NFAM1: variants seen among roughly 807,000 people sequenced by gnomAD.
NFAM1 encodes the protein NFAT activation molecule 1.
In NFAM1, 17 loss-of-function variants were observed where a neutral mutation model predicts 29.0. The observed-to-expected ratio is 0.59, with a 90% CI of 0.40 to 0.88. The LOEUF is 0.88. Ranked by LOEUF, NFAM1 falls within the 40% of genes least tolerant of loss-of-function variation. The pLI is 0.00. For synonymous variants in NFAM1, 175 were observed against 147.2 expected (o/e 1.19, Z -1.36); for missense variants, 324 against 344.6 (o/e 0.94, Z 0.47).
chr22:42,431,650 A>G (rs550753264), intron 1 of NFAM1, among the ~76,000 whole-genome samples: 1 of 152,304 alleles, frequency 6.6e-6, no homozygotes, highest in East Asian at 1.9e-4. Flanking sequence ...CTGGCGTGGA[A>G]AGACACACTT....
chr22:42,435,818 T>C (rs866484293), upstream of NFAM1, among the ~76,000 whole-genome samples: 370 of 144,182 alleles, frequency 2.6e-3, 2 homozygotes, highest in East Asian at 0.014. Flanking sequence ...TCTTCTTCTT[T>C]TTTTTTTTTT....
chr22:42,415,294 C>CTT (rs398037250), intron 1 of NFAM1, among the ~76,000 whole-genome samples: 2,372 of 94,730 alleles, frequency 0.025, 104 homozygotes, highest in African/African-American at 0.089. Context: ...TTCTTTCTTT[C>CTT]TTTTTTTTTT....
upstream of NFAM1, among the ~76,000 whole-genome samples, chr22:42,434,789 G>A (rs2146565530): frequency 6.6e-6 from 1 of 152,348 alleles, no homozygotes; most frequent in South Asian, 2.1e-4. Context: ...AGCTTCAGTG[G>A]CACAGCCTTC....
At chr22:42,410,494 A>G in intron 2 of NFAM1, 1 of 379,090 alleles carries the variant, frequency 2.6e-6, no homozygotes, top group Non-Finnish European at 5.3e-6. Flanking sequence ...TCTTGTCTCT[A>G]TTAAAAATAC....
chr22:42,434,352 A>G (rs547753088), upstream of NFAM1, among the ~76,000 whole-genome samples: 8 of 152,154 alleles, frequency 5.3e-5, no homozygotes, highest in African/African-American at 1.7e-4. Context: ...GCCTCAAGGG[A>G]AGGGGTAGCC....
chr22:42,419,555 C>T lies in NFAM1; in HGVS notation c.122-7819G>A, dbSNP rs1419301359. ...GCCACTGCTAAGAAAAATGGAAAGT[C>T]CCTGGCTTGGAGGATCCAGTTCTTG... On this transcript the variant is annotated intron_variant, in intron 1 of 5. Coordinates refer to ENST00000329021, the MANE Select transcript of NFAM1 (RefSeq NM_145912.8). The surrounding 1 kb of genome is among the most constrained non-coding windows in gnomAD (Gnocchi z 4.5). Among the ~76,000 whole-genome samples, 1 of 152,184 alleles carries T rather than the reference C, an allele frequency of 6.6e-6. No individual in the cohort carries two copies. Among genetic ancestry groups the T allele is most frequent in the African/African-American group, 2.4e-5 (1 of 41,462 alleles).
At chr22:42,401,731 G>A (rs1929733013) in intron 3 of NFAM1, among the ~76,000 whole-genome samples, 1 of 152,122 alleles carries the variant, frequency 6.6e-6, no homozygotes. Flanking sequence ...GCTCTCTGTG[G>A]TCCAAGTCTC....
chr22:42,409,428 C>T lies in NFAM1; in HGVS notation c.564+7G>A. 7.0e-7 allele frequency: 1 copy of T among 1,431,140 alleles called. No individual in the cohort carries two copies. Among genetic ancestry groups the T allele is most frequent in the Non-Finnish European group, 9.4e-7 (1 of 1,065,232 alleles). 88.7% of individuals were successfully genotyped at this position (1,431,140 alleles called of 1,614,324 possible). Reference sequence around the variant, plus strand: ...GGGCTGCATGGCTGTGAGCACTGATCCCGTACCTTGTTCCAGAGCAGCAGG... The same window carrying T: ...GGGCTGCATGGCTGTGAGCACTGATTCCGTACCTTGTTCCAGAGCAGCAGG... On this transcript the variant is annotated splice_region_variant and intron_variant, in intron 3 of 5. Transcript: ENST00000329021. The surrounding 1 kb of genome is among the most constrained non-coding windows in gnomAD (Gnocchi z 4.9).
At chr22:42,397,804 G>A in intron 4 of NFAM1, 54 bp downstream of exon 4, 1 of 985,094 alleles carries the variant, frequency 1.0e-6, no homozygotes, top group Non-Finnish European at 1.6e-6. Flanking sequence ...GTACAAGACA[G>A]ACTCTGCCTA....
chr22:42,411,268 C>T (rs567262842), intron 2 of NFAM1, 139 bp downstream of exon 2: 1 of 655,880 alleles, frequency 1.5e-6, no homozygotes. Context: ...AGGTGATCCA[C>T]CCGCCTCAGC....
chr22:42,425,299 A>C (rs1375869075), intron 1 of NFAM1, among the ~76,000 whole-genome samples: 1 of 152,162 alleles, frequency 6.6e-6, no homozygotes, highest in Non-Finnish European at 1.5e-5. Context: ...CCTGCCTCGC[A>C]TTAGTGATTC....
chr22:42,406,747 A>G (rs538799015), intron 3 of NFAM1, among the ~76,000 whole-genome samples: 2 of 152,234 alleles, frequency 1.3e-5, no homozygotes, highest in East Asian at 1.9e-4. Context: ...AGGAATGCCA[A>G]TTTAATGAAA....
intron 1 of NFAM1, among the ~76,000 whole-genome samples, chr22:42,415,897 G>C (rs143942470): frequency 7.5e-4 from 114 of 152,334 alleles, no homozygotes; most frequent in African/African-American, 2.7e-3. Flanking sequence ...ACCAGGAGGG[G>C]CTCCCTGCCG....
chr22:42,398,864 G>A (rs1929626553), intron 3 of NFAM1, among the ~76,000 whole-genome samples: 1 of 152,198 alleles, frequency 6.6e-6, no homozygotes, highest in Admixed American at 6.5e-5. Flanking sequence ...TGGCAAGCCA[G>A]GCAGTGTGAG....
intron 4 of NFAM1, among the ~76,000 whole-genome samples, chr22:42,393,575 A>ATTTTTTT (rs36029784): frequency 7.1e-6 from 1 of 140,200 alleles, no homozygotes. Context: ...CGCCTGACTA[A>ATTTTTTT]TTTTTTTTTT....
chr22:42,397,163 C>T (rs1053848975), intron 4 of NFAM1, among the ~76,000 whole-genome samples: 3 of 152,318 alleles, frequency 2.0e-5, no homozygotes, highest in South Asian at 2.1e-4. Context: ...CAGCCCTCCC[C>T]GGCCCCAGCC....
Position 42,403,151 on chromosome 22 carries a change from T to C in NFAM1, c.565-5195A>G, listed in dbSNP as rs574940619. On this transcript the variant is annotated intron_variant, in intron 3 of 5. Transcript: ENST00000329021. ...CACGCCCGGCCCCCTCTGTGCCTTC[T>C]ACAACCCCATGACACAGCTCCTCTG... is the stretch of plus-strand genomic sequence containing the variant. Among the ~76,000 whole-genome samples the C allele has an allele frequency of 3.7e-4, 56 of 152,150 alleles. 2 individuals carry two copies. The highest frequency in any genetic ancestry group is 1.3e-3 in the African/African-American group (55 of 41,512).
At chr22:42,400,848 G>C (rs1490164092) in intron 3 of NFAM1, among the ~76,000 whole-genome samples, 1 of 152,210 alleles carries the variant, frequency 6.6e-6, no homozygotes, top group South Asian at 2.1e-4. Context: ...TCTTCGCTGA[G>C]CTGGCCGACC....
upstream of NFAM1, among the ~76,000 whole-genome samples, chr22:42,434,192 G>T (rs1260707425): frequency 2.0e-5 from 3 of 152,160 alleles, no homozygotes; most frequent in Admixed American, 2.0e-4. Context: ...ACGCTTGCCT[G>T]CCTGAGCTGC....
Sources: allele counts gnomAD v4.1 joint callset (sites outside exome capture counted in the v4.1 genomes callset), GRCh38; gene constraint gnomAD v4.1.1; non-coding constraint Gnocchi (gnomAD v3.1); transcripts MANE v1.5; gene names NCBI Gene and HGNC (gene_info 2026-07-23, HGNC 2026-07-21).